LRRC4C: variants seen among roughly 807,000 people sequenced by gnomAD.
The protein encoded by LRRC4C is leucine rich repeat containing 4C.
LRRC4C carries 5 observed loss-of-function variants against 33.6 expected under a neutral mutation model. The ratio of observed to expected loss-of-function variants is 0.15; its 90% confidence interval spans 0.08 to 0.31. The LOEUF is 0.31. Among genes scored for constraint, LRRC4C ranks in the 10% least tolerant of loss-of-function variants. The pLI is 1.00. For missense variants in LRRC4C, 560 were observed against 796.7 expected (o/e 0.70, Z 3.58); for synonymous variants, 329 against 302.0 (o/e 1.09, Z -0.93).
At chr11:41,358,530 A>T (rs932777996) in intron 1 of LRRC4C, among the ~76,000 whole-genome samples, 4 of 152,202 alleles carry the variant, frequency 2.6e-5, no homozygotes, top group Non-Finnish European at 5.9e-5. Flanking sequence ...CCAAAATTTC[A>T]AAGAACTCAA....
At chr11:40,192,746 G>C (rs2135629708) in intron 5 of LRRC4C, among the ~76,000 whole-genome samples, 1 of 152,268 alleles carries the variant, frequency 6.6e-6, no homozygotes, top group South Asian at 2.1e-4. Flanking sequence ...AGTTGACCTA[G>C]GAAGCTTGAG....
rs375455575 is a variant in LRRC4C, at chr11:41,275,817, A to T, written c.-496+183614T>A. Among the ~76,000 whole-genome samples, 43 of 152,326 alleles carry T rather than the reference A, an allele frequency of 2.8e-4. 1 individual carries two copies. In the East Asian group the frequency reaches 7.9e-3, roughly 28 times the overall value. ...CATTACATTAAATTGATAGAAACAG[A>T]TGTTCATTATATATCATGAAGAGGA... On this transcript the variant is annotated intron_variant, in intron 1 of 6. Coordinates refer to ENST00000528697, the MANE Select transcript of LRRC4C (RefSeq NM_001258419.2).
At chr11:40,295,946 C>T (rs962918340) in intron 4 of LRRC4C, among the ~76,000 whole-genome samples, 2 of 152,148 alleles carry the variant, frequency 1.3e-5, no homozygotes, top group Non-Finnish European at 2.9e-5. Flanking sequence ...TCACTAGCTG[C>T]ACTAGATAGC....
chr11:40,126,931 G>A (rs1856280209), intron 6 of LRRC4C, among the ~76,000 whole-genome samples: 1 of 151,182 alleles, frequency 6.6e-6, no homozygotes, highest in African/African-American at 2.4e-5. Flanking sequence ...TTGCACTCCA[G>A]CCTGGGTGAC....
intron 3 of LRRC4C, among the ~76,000 whole-genome samples, chr11:40,633,975 A>T (rs1963736169): frequency 6.6e-6 from 1 of 152,200 alleles, no homozygotes; most frequent in Non-Finnish European, 1.5e-5. Flanking sequence ...ATAAATAATG[A>T]CACTTGTAAA....
intron 3 of LRRC4C, among the ~76,000 whole-genome samples, chr11:40,620,686 A>G (rs1344894676): frequency 2.0e-5 from 3 of 151,844 alleles, no homozygotes. Context: ...TCAAGCTGCT[A>G]CTTATTGTGT....
intron 4 of LRRC4C, among the ~76,000 whole-genome samples, chr11:40,275,008 G>T (rs1022696769): frequency 3.3e-5 from 5 of 152,116 alleles, no homozygotes; most frequent in Non-Finnish European, 5.9e-5. Flanking sequence ...GTGGTCATTT[G>T]TCACACACTT....
chr11:40,945,441 T>G (rs550303351), intron 1 of LRRC4C, among the ~76,000 whole-genome samples: 26 of 152,264 alleles, frequency 1.7e-4, no homozygotes, highest in African/African-American at 6.0e-4. Context: ...CCATAGGAAT[T>G]AAAGCATGAT....
chr11:40,522,274 C>A (rs1410563555), intron 3 of LRRC4C, among the ~76,000 whole-genome samples: 2 of 152,216 alleles, frequency 1.3e-5, no homozygotes, highest in Non-Finnish European at 2.9e-5. Flanking sequence ...AGGCGATCCA[C>A]CCACCTCCAC....
At chr11:40,898,625 C>T (rs1490869238) in intron 2 of LRRC4C, among the ~76,000 whole-genome samples, 2 of 152,008 alleles carry the variant, frequency 1.3e-5, no homozygotes, top group African/African-American at 4.8e-5. Context: ...TAGATACATC[C>T]TGAGGTCTGG....
intron 1 of LRRC4C, among the ~76,000 whole-genome samples, chr11:41,429,642 G>T (rs1023087824): frequency 1.3e-5 from 2 of 151,988 alleles, no homozygotes; most frequent in African/African-American, 2.4e-5. Flanking sequence ...TAAACTTGGG[G>T]CATCACTTTT....
At chr11:40,604,136 G>A (rs149423278) in intron 3 of LRRC4C, among the ~76,000 whole-genome samples, 3,064 of 152,074 alleles carry the variant, frequency 0.02, 48 homozygotes, top group South Asian at 0.037. Context: ...AAATAAAACT[G>A]CAATATTAAA....
At chr11:41,156,639 A>G (rs1012590622) in intron 1 of LRRC4C, among the ~76,000 whole-genome samples, 1 of 152,100 alleles carries the variant, frequency 6.6e-6, no homozygotes, top group Admixed American at 6.6e-5. Context: ...ATGGCAAACA[A>G]GTAAATTATA....
chr11:40,490,044 C>T (rs941407701), intron 3 of LRRC4C, among the ~76,000 whole-genome samples: 1 of 152,098 alleles, frequency 6.6e-6, no homozygotes, highest in African/African-American at 2.4e-5. Context: ...GCAGAAGGAA[C>T]TACTCATGAT....
intron 2 of LRRC4C, among the ~76,000 whole-genome samples, chr11:40,773,569 C>T (rs1949853054): frequency 6.6e-6 from 1 of 151,706 alleles, no homozygotes; most frequent in Non-Finnish European, 1.5e-5. Context: ...AAGAGTATCT[C>T]ATAATACATA....
intron 3 of LRRC4C, among the ~76,000 whole-genome samples, chr11:40,384,861 T>C (rs1284768205): frequency 6.6e-6 from 1 of 152,150 alleles, no homozygotes; most frequent in East Asian, 1.9e-4. Context: ...AGATTCCTAC[T>C]GGGAACCTTT....
chr11:40,980,158 T>G (rs186582930), intron 1 of LRRC4C, among the ~76,000 whole-genome samples: 1 of 152,120 alleles, frequency 6.6e-6, no homozygotes, highest in Non-Finnish European at 1.5e-5. Flanking sequence ...CCATTATAAT[T>G]TGGACAATCA....
chr11:41,386,801 A>G (rs918395212), intron 1 of LRRC4C, among the ~76,000 whole-genome samples: 7 of 151,718 alleles, frequency 4.6e-5, no homozygotes, highest in African/African-American at 1.7e-4. Flanking sequence ...TGGATTTTTC[A>G]TGGTGCTGAC....
chr11:40,789,352 C>G (rs745877818), intron 2 of LRRC4C, among the ~76,000 whole-genome samples: 3 of 151,934 alleles, frequency 2.0e-5, no homozygotes, highest in Non-Finnish European at 2.9e-5. Context: ...TCTGGGATAC[C>G]GAAAATGTAC....
Sources: allele counts gnomAD v4.1 joint callset (sites outside exome capture counted in the v4.1 genomes callset), GRCh38; gene constraint gnomAD v4.1.1; transcripts MANE v1.5; gene names NCBI Gene and HGNC (gene_info 2026-07-23, HGNC 2026-07-21).